CEP83: variants seen among roughly 807,000 people sequenced by gnomAD.
CEP83 encodes the protein centrosomal protein of 83 kDa.
Under a neutral mutation model 101.9 loss-of-function variants are expected in CEP83, and 70 were observed. The observed-to-expected ratio is 0.69, with a 90% CI of 0.57 to 0.84. The LOEUF (loss-of-function observed/expected upper bound fraction) is 0.84. CEP83 is among the 40% of genes least tolerant of loss of function. The pLI, the probability that CEP83 is intolerant of heterozygous loss-of-function variation, is 0.00. For synonymous variants in CEP83, 264 were observed against 267.9 expected (o/e 0.99, Z 0.14); for missense variants, 715 against 787.2 (o/e 0.91, Z 1.10).
At chr12:94,444,063 T>C (rs926206694) in intron 1 of CEP83, among the ~76,000 whole-genome samples, 1 of 152,174 alleles carries the variant, frequency 6.6e-6, no homozygotes, top group Non-Finnish European at 1.5e-5. Flanking sequence ...AGAACACTGT[T>C]TGCTAACCAA....
At chr12:94,333,406 T>G in intron 13 of CEP83, 76 bp downstream of exon 13, 1 of 1,276,720 alleles carries the variant, frequency 7.8e-7, no homozygotes. Context: ...TAATCAACAT[T>G]GGAATCATTA....
chr12:94,432,416 T>C (rs2065705506), intron 2 of CEP83, among the ~76,000 whole-genome samples: 1 of 152,066 alleles, frequency 6.6e-6, no homozygotes, highest in Non-Finnish European at 1.5e-5. Context: ...TATTCAGCTA[T>C]GAGAAAGAAT....
intron 7 of CEP83, among the ~76,000 whole-genome samples, chr12:94,376,742 TATA>T (rs1469189753): frequency 4.0e-4 from 48 of 121,116 alleles, no homozygotes; most frequent in Non-Finnish European, 6.3e-4. Context: ...CATATATATA[TATA>T]TATTTTTTTT....
chr12:94,383,213 C>T (rs1004445962), intron 6 of CEP83, among the ~76,000 whole-genome samples: 2 of 151,940 alleles, frequency 1.3e-5, no homozygotes, highest in Non-Finnish European at 2.9e-5. Flanking sequence ...TTAATGATTC[C>T]ATGATATAGC....
In CEP83 at chr12:94,397,406, G is replaced by A. The variant is rs558419728; in HGVS notation, c.549+3444C>T. Among the ~76,000 whole-genome samples the A allele has an allele frequency of 1.5e-4, 23 of 152,268 alleles. No individual in the cohort carries two copies. In the South Asian group the frequency reaches 4.6e-3, roughly 30 times the overall value. ...CCAGCTACTCGGGAAACTGAGGCAG[G>A]AGAATCACTTGAACCTGGGAGGCAG... is the stretch of plus-strand genomic sequence containing the variant. On this transcript the variant is annotated intron_variant, in intron 6 of 16. Transcript: ENST00000397809.
the CEP83 span, among the ~76,000 whole-genome samples, chr12:94,297,779 C>T: frequency 3.3e-5 from 5 of 152,140 alleles, no homozygotes; most frequent in Admixed American, 1.3e-4. Context: ...TTTTGAATTG[C>T]GAATAAAATG....
At chr12:94,281,605 A>G in the CEP83 span, among the ~76,000 whole-genome samples, 1 of 84,386 alleles carries the variant, frequency 1.2e-5, no homozygotes, top group Non-Finnish European at 2.3e-5. Flanking sequence ...AAAATTTTAT[A>G]GAGACAAGTC....
At chr12:94,458,356 G>A (rs1417632868) in intron 1 of CEP83, among the ~76,000 whole-genome samples, 5 of 152,174 alleles carry the variant, frequency 3.3e-5, no homozygotes, top group African/African-American at 4.8e-5. Flanking sequence ...AAAGTAAGGG[G>A]AATACCCAGC....
At chr12:94,431,836 G>C (rs1174855934) in intron 2 of CEP83, among the ~76,000 whole-genome samples, 2 of 152,144 alleles carry the variant, frequency 1.3e-5, no homozygotes, top group Non-Finnish European at 2.9e-5. Flanking sequence ...CTGCTGGTAG[G>C]AATGTAAATT....
chr12:94,378,078 C>T (rs1026874639), intron 7 of CEP83, among the ~76,000 whole-genome samples: 1 of 151,830 alleles, frequency 6.6e-6, no homozygotes, highest in Non-Finnish European at 1.5e-5. Context: ...CCACCCAAAT[C>T]ATTTTATAAC....
chr12:94,381,231 G>A (rs1402099086), intron 6 of CEP83, among the ~76,000 whole-genome samples: 3 of 151,976 alleles, frequency 2.0e-5, no homozygotes, highest in East Asian at 1.9e-4. Context: ...TTCTTTTTCC[G>A]CCATTCTCAA....
intron 1 of CEP83, among the ~76,000 whole-genome samples, chr12:94,445,161 G>C (rs548991672): frequency 6.6e-6 from 1 of 152,170 alleles, no homozygotes; most frequent in Non-Finnish European, 1.5e-5. Context: ...AGACTGTCCA[G>C]AAATAGAGTC....
intron 14 of CEP83, among the ~76,000 whole-genome samples, chr12:94,325,633 C>T (rs1212658222): frequency 6.6e-6 from 1 of 152,146 alleles, no homozygotes; most frequent in Non-Finnish European, 1.5e-5. Flanking sequence ...ATAATAGATG[C>T]TTAACAGATA....
chr12:94,277,891 C>T, the CEP83 span: 2 of 455,228 alleles, frequency 4.4e-6, no homozygotes, highest in East Asian at 6.9e-5. Flanking sequence ...TTATTACACC[C>T]ATTTTTAAGT....
At chr12:94,320,839 C>A (rs1301435312) in intron 14 of CEP83, among the ~76,000 whole-genome samples, 1 of 152,106 alleles carries the variant, frequency 6.6e-6, no homozygotes, top group Non-Finnish European at 1.5e-5. Context: ...TCATTTTGAC[C>A]TTGGAAAATC....
intron 11 of CEP83, among the ~76,000 whole-genome samples, chr12:94,363,766 T>C (rs1411174865): frequency 6.6e-6 from 1 of 151,726 alleles, no homozygotes; most frequent in Admixed American, 6.6e-5. Flanking sequence ...CTGGCCAACA[T>C]GGTGAAACGG....
chr12:94,427,228 C>T (rs534812304), intron 2 of CEP83, among the ~76,000 whole-genome samples: 6 of 152,142 alleles, frequency 3.9e-5, no homozygotes, highest in Non-Finnish European at 7.3e-5. Context: ...CACAATAAAA[C>T]GTCTCCTACT....
intron 6 of CEP83, among the ~76,000 whole-genome samples, chr12:94,391,295 A>G (rs1183659323): frequency 6.6e-6 from 1 of 152,226 alleles, no homozygotes; most frequent in Non-Finnish European, 1.5e-5. Flanking sequence ...GAAACCCTAC[A>G]AGCCAGAAGA....
At chr12:94,433,440 G>C (rs1194027539) in intron 2 of CEP83, among the ~76,000 whole-genome samples, 1 of 151,996 alleles carries the variant, frequency 6.6e-6, no homozygotes, top group Non-Finnish European at 1.5e-5. Flanking sequence ...TAGCACTTTA[G>C]GAGGTCAAGG....
Sources: gnomAD v4.1 joint callset for allele counts (sites outside exome capture counted in the v4.1 genomes callset) on GRCh38, gnomAD v4.1.1 for gene constraint, MANE v1.5 for transcripts, NCBI Gene and HGNC (gene_info 2026-07-23, HGNC 2026-07-21) for gene names.